Variants in CBFB observed in about 807,000 individuals in gnomAD.
CBFB encodes CBF-beta.
CBFB carries 9 observed loss-of-function variants against 30.4 expected under a neutral mutation model. That is an observed-to-expected ratio of 0.30 (90% confidence interval 0.18 to 0.52). CBFB has a LOEUF of 0.52. CBFB is among the 20% of genes least tolerant of loss of function. CBFB has a pLI of 0.97. For synonymous variants in CBFB, 94 were observed against 84.0 expected, an observed-to-expected ratio of 1.12 and a Z score of -0.65; for missense variants, 170 against 244.0, an observed-to-expected ratio of 0.70 and a Z score of 2.02.
chr16:67,075,746 G>T (rs1961378053), intron 4 of CBFB, among the ~76,000 whole-genome samples: 1 of 152,090 alleles, frequency 6.6e-6, no homozygotes, highest in Non-Finnish European at 1.5e-5. Context: ...AAAGTGCGTG[G>T]TCACACAAAT....
chr16:67,079,723 C>T (rs1961502907), intron 4 of CBFB, among the ~76,000 whole-genome samples: 1 of 152,124 alleles, frequency 6.6e-6, no homozygotes, highest in Admixed American at 6.6e-5. Context: ...ACTTGTGTTT[C>T]TGTCTCATTG....
intron 5 of CBFB, among the ~76,000 whole-genome samples, chr16:67,087,717 C>G (rs1961769298): frequency 6.6e-6 from 1 of 152,094 alleles, no homozygotes; most frequent in Non-Finnish European, 1.5e-5. Flanking sequence ...ATTGTTTCTA[C>G]TTGTTTTTTT....
At chr16:67,054,357 C>G (rs1453433019) in intron 3 of CBFB, among the ~76,000 whole-genome samples, 1 of 152,044 alleles carries the variant, frequency 6.6e-6, no homozygotes, top group Non-Finnish European at 1.5e-5. Flanking sequence ...TCTCTGAAGT[C>G]ATTGTGTTTC....
intron 2 of CBFB, chr16:67,030,039 A>T (rs1966307789): frequency 4.4e-6 from 2 of 450,206 alleles, no homozygotes; most frequent in Admixed American, 4.6e-5. Flanking sequence ...CGGCCAACGG[A>T]GCACCGCGAG....
At chr16:67,088,851 C>T (rs1476639252) in intron 5 of CBFB, among the ~76,000 whole-genome samples, 1 of 152,072 alleles carries the variant, frequency 6.6e-6, no homozygotes, top group Non-Finnish European at 1.5e-5. Context: ...CAGTGGTGCT[C>T]GTGAGTATTT....
chr16:67,037,755 C>T (rs1357395555), intron 3 of CBFB, among the ~76,000 whole-genome samples: 2 of 150,906 alleles, frequency 1.3e-5, no homozygotes, highest in Non-Finnish European at 1.5e-5. Context: ...GCAACCTCCA[C>T]CTCCTGGGTT....
At chr16:67,059,697 T>C (rs1960837082) in intron 3 of CBFB, among the ~76,000 whole-genome samples, 8 of 152,272 alleles carry the variant, frequency 5.3e-5, no homozygotes, top group East Asian at 3.9e-4. Flanking sequence ...TGGGGTTTTT[T>C]CTTCTACCCA....
At chr16:67,073,696 C>T (rs183855771) in intron 4 of CBFB, among the ~76,000 whole-genome samples, 4 of 151,452 alleles carry the variant, frequency 2.6e-5, no homozygotes, top group African/African-American at 9.7e-5. Context: ...GAGCCGAGAT[C>T]GTGCCATTGC....
intron 5 of CBFB, among the ~76,000 whole-genome samples, chr16:67,090,351 T>C (rs954740093): frequency 6.6e-6 from 1 of 152,240 alleles, no homozygotes; most frequent in Non-Finnish European, 1.5e-5. Flanking sequence ...TGCTCTCCAT[T>C]GGCATCTGTT....
intron 3 of CBFB, among the ~76,000 whole-genome samples, chr16:67,066,274 A>G (rs1427893350): frequency 6.6e-6 from 1 of 151,734 alleles, no homozygotes; most frequent in East Asian, 1.9e-4. Context: ...CTGGCCGGGC[A>G]TGGTAGCTCA....
At chr16:67,093,011 T>C (rs1368132175) in intron 5 of CBFB, among the ~76,000 whole-genome samples, 2 of 152,056 alleles carry the variant, frequency 1.3e-5, no homozygotes, top group African/African-American at 4.8e-5. Context: ...AGTGGTGCAG[T>C]CTTATAGCCC....
intron 3 of CBFB, among the ~76,000 whole-genome samples, chr16:67,065,046 C>T (rs920115517): frequency 4.6e-5 from 7 of 152,166 alleles, no homozygotes; most frequent in African/African-American, 1.4e-4. Context: ...TATAGCTGTG[C>T]GCTACCATGC....
intron 2 of CBFB, chr16:67,036,327 A>T: frequency 4.1e-6 from 1 of 245,408 alleles, no homozygotes; most frequent in African/African-American, 2.2e-5. Context: ...TTAAATGCAG[A>T]GATGGATAGT....
intron 4 of CBFB, among the ~76,000 whole-genome samples, chr16:67,076,121 T>C (rs1961388230): frequency 6.6e-6 from 1 of 152,048 alleles, no homozygotes; most frequent in Non-Finnish European, 1.5e-5. Context: ...TCCAAGCTGC[T>C]CGGGAGGCTG....
chr16:67,036,016 A>G (rs527691018), intron 2 of CBFB, among the ~76,000 whole-genome samples: 6 of 152,266 alleles, frequency 3.9e-5, no homozygotes, highest in African/African-American at 1.4e-4. Flanking sequence ...TATTAGATGA[A>G]TACTTTTCTC....
chr16:67,038,312 G>A (rs1269241111), intron 3 of CBFB, among the ~76,000 whole-genome samples: 4 of 149,502 alleles, frequency 2.7e-5, no homozygotes, highest in Non-Finnish European at 6.0e-5. Context: ...GTATATATGT[G>A]TATATATACG....
chr16:67,096,078 G>T (rs8058263), intron 5 of CBFB, among the ~76,000 whole-genome samples: 1,874 of 152,020 alleles, frequency 0.012, 44 homozygotes, highest in African/African-American at 0.043. Flanking sequence ...GGGAAGCTGA[G>T]GTGGGTGGAT....
chr16:67,038,859 G>A (rs922835187), intron 3 of CBFB, among the ~76,000 whole-genome samples: 21 of 152,174 alleles, frequency 1.4e-4, no homozygotes, highest in African/African-American at 4.3e-4. Flanking sequence ...TGTTACTGAA[G>A]TCTTCCGGTA....
At chr16:67,045,064 A>G (rs1597128859) in intron 3 of CBFB, among the ~76,000 whole-genome samples, 1 of 152,330 alleles carries the variant, frequency 6.6e-6, no homozygotes, top group South Asian at 2.1e-4. Context: ...TAATAACGGA[A>G]TCATAAAATT....
Sources: gnomAD v4.1 joint callset for allele counts (sites outside exome capture counted in the v4.1 genomes callset) on GRCh38, gnomAD v4.1.1 for gene constraint, MANE v1.5 for transcripts, NCBI Gene and HGNC (gene_info 2026-07-23, HGNC 2026-07-21) for gene names.